Variants in PTP4A2 observed in about 807,000 individuals in gnomAD.
PTP4A2 encodes the protein protein tyrosine phosphatase type IVA 2.
Under a neutral mutation model 22.9 loss-of-function variants are expected in PTP4A2, and 2 were observed. That is an observed-to-expected ratio of 0.09 (90% CI 0.04 to 0.27). The LOEUF is 0.27. Among genes scored for constraint, PTP4A2 ranks in the 10% least tolerant of loss-of-function variants. PTP4A2 has a pLI of 1.00. For missense variants in PTP4A2, 103 were observed against 205.1 expected, an observed-to-expected ratio of 0.50 and a Z score of 3.04; for synonymous variants, 68 against 69.1, an observed-to-expected ratio of 0.98 and a Z score of 0.08.
chr1:31,938,079 GCGGTAGCGGTGGCGGCGGCGGCGA>G lies in PTP4A2; in HGVS notation c.-710_-687del. The G allele has an allele frequency of 6.5e-6, 1 of 153,116 alleles. No individual in the cohort carries two copies. The highest frequency in any genetic ancestry group is 1.4e-5 in the Non-Finnish European group (1 of 71,142). 9.5% of individuals were successfully genotyped at this position (153,116 alleles called of 1,614,324 possible). A position where few individuals can be genotyped will look rare whatever the true frequency, so the allele number is the denominator to read the frequency against. Reference sequence around the variant, plus strand: ...AGTCACCTCGGCGGCGGCGGCGGCGGCGGTAGCGGTGGCGGCGGCGGCGACGACTCCCCCCCAGCCTCGGCGCGC... The same window carrying G: ...AGTCACCTCGGCGGCGGCGGCGGCGGCGACTCCCCCCCAGCCTCGGCGCGC... On this transcript the variant is annotated 5_prime_UTR_variant, in exon 1 of 6. Coordinates refer to ENST00000647444, the MANE Select transcript of PTP4A2 (RefSeq NM_080391.4). This position sits in a 1 kb window ranked among gnomAD's most constrained non-coding sequence, Gnocchi z 4.4.
At position 31,928,214 on chromosome 1, in the gene PTP4A2, T is replaced by C. The variant is rs11579064; in HGVS notation, c.-593-8556A>G. The stretch of plus-strand genomic sequence containing the variant: ...TAACATATATTTATATATTATAATA[T>C]ATAAATATAATAATATAATATATAG... On this transcript the variant is annotated intron_variant, in intron 1 of 5. Coordinates refer to ENST00000647444, the MANE Select transcript of PTP4A2 (RefSeq NM_080391.4). Among the ~76,000 whole-genome samples the C allele has an allele frequency of 7.5e-3, 1,052 of 140,000 alleles. 4 individuals are homozygous for C. Among genetic ancestry groups the C allele is most frequent in the Non-Finnish European group, 0.012 (807 of 65,482 alleles). The allele number at this position is 140,000 out of a possible 152,430, so 91.8% of individuals were successfully genotyped here.
intron 1 of PTP4A2, among the ~76,000 whole-genome samples, chr1:31,927,446 G>A (rs897382575): frequency 3.9e-5 from 6 of 152,148 alleles, no homozygotes; most frequent in Non-Finnish European, 7.4e-5. Flanking sequence ...TCATTTGTAC[G>A]CCAAACCCGA....
At chr1:31,913,112 T>C (rs1019746198) in intron 3 of PTP4A2, 2 of 413,762 alleles carry the variant, frequency 4.8e-6, no homozygotes, top group Admixed American at 2.9e-5. Context: ...TAGAAACATC[T>C]GAACCTCAAA....
chr1:31,908,119 T>A lies in PTP4A2; in HGVS notation c.*733A>T, dbSNP rs1651281756. Reference sequence around the variant, plus strand: ...GACTAAAAACCACCTGGAAAATATATATATATATATATATATTATATTATA... The same window carrying A: ...GACTAAAAACCACCTGGAAAATATAAATATATATATATATATTATATTATA... On this transcript the variant is annotated 3_prime_UTR_variant, in exon 6 of 6. Coordinates refer to ENST00000647444, the MANE Select transcript of PTP4A2 (RefSeq NM_080391.4). 4.4e-3 allele frequency: 2 copies of A among 450 alleles called. No homozygotes were observed. The highest frequency in any genetic ancestry group is 8.6e-3 in the African/African-American group (1 of 116). The allele number at this position is 450 out of a possible 1,614,324, so 0.0% of individuals were successfully genotyped here.
intron 1 of PTP4A2, among the ~76,000 whole-genome samples, chr1:31,935,174 C>CT (rs1182575616): frequency 6.6e-6 from 1 of 152,200 alleles, no homozygotes; most frequent in Non-Finnish European, 1.5e-5. Context: ...ATACTCTCCT[C>CT]TTTTTCCAAA....
At position 31,908,610 on chromosome 1, in the gene PTP4A2, G is replaced by A. The variant is rs1651367483; in HGVS notation, c.*242C>T. On this transcript the variant is annotated 3_prime_UTR_variant, in exon 6 of 6. Transcript: ENST00000647444. The stretch of plus-strand genomic sequence containing the variant: ...GCAGAAATTCAAACTCCAAAACTAG[G>A]AGCAAAATCATCCTTCACTGAATTA... The A allele has an allele frequency of 2.1e-5, 7 of 340,876 alleles. No homozygotes were observed. Among genetic ancestry groups the A allele is most frequent in the Non-Finnish European group, 3.7e-5 (7 of 188,574 alleles). 21.1% of individuals were successfully genotyped at this position (340,876 alleles called of 1,614,324 possible). A position where few individuals can be genotyped will look rare whatever the true frequency, so the allele number is the denominator to read the frequency against.
chr1:31,925,578 T>C (rs1304167650), intron 1 of PTP4A2, among the ~76,000 whole-genome samples: 1 of 151,370 alleles, frequency 6.6e-6, no homozygotes, highest in African/African-American at 2.4e-5. Context: ...GCTAACACGG[T>C]GAAACCCCGT....
At chr1:31,927,308 C>G (rs959163008) in intron 1 of PTP4A2, among the ~76,000 whole-genome samples, 1 of 152,120 alleles carries the variant, frequency 6.6e-6, no homozygotes, top group African/African-American at 2.4e-5. Context: ...ACACTGAGTA[C>G]ACATAGACTC....
At chr1:31,929,325 C>T (rs1318641017) in intron 1 of PTP4A2, among the ~76,000 whole-genome samples, 2 of 152,208 alleles carry the variant, frequency 1.3e-5, no homozygotes, top group Non-Finnish European at 2.9e-5. Flanking sequence ...ATCCTAACAG[C>T]ACAATCCTTA....
intron 1 of PTP4A2, among the ~76,000 whole-genome samples, chr1:31,920,847 T>C (rs1652116031): frequency 6.6e-6 from 1 of 152,132 alleles, no homozygotes; most frequent in Non-Finnish European, 1.5e-5. Flanking sequence ...CCATGAACTC[T>C]TCATAAACTT....
At chr1:31,928,353 G>A (rs947403299) in intron 1 of PTP4A2, among the ~76,000 whole-genome samples, 1 of 150,822 alleles carries the variant, frequency 6.6e-6, no homozygotes, top group Non-Finnish European at 1.5e-5. Context: ...CACAAATAAG[G>A]ATCCAAAATG....
At chr1:31,914,326 C>CA (rs1557862021) in intron 3 of PTP4A2, 4 of 455,278 alleles carry the variant, frequency 8.8e-6, no homozygotes, top group Non-Finnish European at 1.8e-5. Context: ...CTTGGCCTCC[C>CA]AGAGTGGTGG....
intron 2 of PTP4A2, among the ~76,000 whole-genome samples, 183 bp from the exon 3 acceptor site, chr1:31,916,170 C>A (rs975263019): frequency 1.3e-5 from 2 of 151,268 alleles, no homozygotes; most frequent in Admixed American, 6.6e-5. Flanking sequence ...CATAGTGAAA[C>A]CCCGTCTCTA....
chr1:31,934,495 G>A (rs1290482752), intron 1 of PTP4A2, among the ~76,000 whole-genome samples: 1 of 152,142 alleles, frequency 6.6e-6, no homozygotes, highest in Non-Finnish European at 1.5e-5. Flanking sequence ...CTAGGCTTCA[G>A]TGGTTACCAA....
At chr1:31,925,552 A>G (rs550996275) in intron 1 of PTP4A2, among the ~76,000 whole-genome samples, 1 of 152,090 alleles carries the variant, frequency 6.6e-6, no homozygotes, top group Admixed American at 6.5e-5. Context: ...AGGTCAGGAG[A>G]TAAGAGACCA....
At chr1:31,910,238 G>A (rs1476647992) in intron 4 of PTP4A2, 126 bp from the exon 5 acceptor site, 2 of 665,990 alleles carry the variant, frequency 3.0e-6, no homozygotes, top group Non-Finnish European at 2.6e-6. Flanking sequence ...AAAGTAGCTG[G>A]TATCTGCCTA....
At chr1:31,933,397 G>C (rs186399568) in intron 1 of PTP4A2, among the ~76,000 whole-genome samples, 9 of 150,986 alleles carry the variant, frequency 6.0e-5, no homozygotes, top group Non-Finnish European at 1.3e-4. Context: ...GCCCCTAAAA[G>C]GAAAAAAAAA....
At chr1:31,922,032 A>G (rs933890835) in intron 1 of PTP4A2, among the ~76,000 whole-genome samples, 4 of 152,346 alleles carry the variant, frequency 2.6e-5, no homozygotes, top group African/African-American at 9.6e-5. Context: ...AACTAAAAAC[A>G]AAAATACATT....
intron 3 of PTP4A2, chr1:31,914,317 T>C (rs1419462437): frequency 2.2e-6 from 1 of 455,344 alleles, no homozygotes; most frequent in East Asian, 6.9e-5. Flanking sequence ...TCCACCTACC[T>C]TGGCCTCCCA....
Sources: gnomAD v4.1 joint callset for allele counts (sites outside exome capture counted in the v4.1 genomes callset) on GRCh38, gnomAD v4.1.1 for gene constraint, Gnocchi (gnomAD v3.1) non-coding constraint, MANE v1.5 for transcripts, NCBI Gene and HGNC (gene_info 2026-07-23, HGNC 2026-07-21) for gene names.